Variants in CNTNAP2 observed in about 807,000 individuals in gnomAD.
CNTNAP2 encodes the protein contactin-associated protein-like 2.
In CNTNAP2, 98 loss-of-function variants were observed where a neutral mutation model predicts 155.2. The ratio of observed to expected loss-of-function variants is 0.63; its 90% confidence interval spans 0.54 to 0.75. The LOEUF is 0.75. Ranked by LOEUF, CNTNAP2 falls within the 30% of genes least tolerant of loss-of-function variation. The pLI, the probability that CNTNAP2 is intolerant of heterozygous loss-of-function variation, is 0.00. For missense variants in CNTNAP2, 1,727 were observed against 1,688.1 expected (o/e 1.02, Z -0.40); for synonymous variants, 651 against 631.2 (o/e 1.03, Z -0.47).
chr7:148,078,048 A>G (rs1364900060), intron 15 of CNTNAP2, among the ~76,000 whole-genome samples: 2 of 151,990 alleles, frequency 1.3e-5, no homozygotes, highest in Non-Finnish European at 2.9e-5. Flanking sequence ...AGATTAATGT[A>G]CCCAAAAACA....
At chr7:148,136,523 T>C (rs896592922) in intron 16 of CNTNAP2, among the ~76,000 whole-genome samples, 3 of 152,208 alleles carry the variant, frequency 2.0e-5, no homozygotes, top group African/African-American at 7.2e-5. Flanking sequence ...TCATATAGCC[T>C]GCAGAGCCAA....
chr7:147,609,470 G>A (rs1158372868), intron 12 of CNTNAP2, among the ~76,000 whole-genome samples: 3 of 152,104 alleles, frequency 2.0e-5, no homozygotes, highest in Non-Finnish European at 4.4e-5. Flanking sequence ...GGCGGAACTT[G>A]CAGTGAGCCA....
At chr7:146,823,923 A>G (rs934952959) in intron 2 of CNTNAP2, among the ~76,000 whole-genome samples, 1 of 152,004 alleles carries the variant, frequency 6.6e-6, no homozygotes, top group Non-Finnish European at 1.5e-5. Flanking sequence ...CAGAACATGC[A>G]GGTTTATTAC....
intron 1 of CNTNAP2, among the ~76,000 whole-genome samples, chr7:146,618,847 A>G (rs1290506343): frequency 1.3e-5 from 2 of 152,140 alleles, no homozygotes; most frequent in African/African-American, 4.8e-5. Flanking sequence ...AGACAGGCGG[A>G]TAACCTGAGG....
intron 15 of CNTNAP2, among the ~76,000 whole-genome samples, chr7:148,076,018 T>A (rs1174558303): frequency 6.6e-6 from 1 of 152,196 alleles, no homozygotes; most frequent in Non-Finnish European, 1.5e-5. Flanking sequence ...AGTAAACACC[T>A]GTAAAGGAAG....
chr7:147,759,520 G>A (rs1797266874), intron 13 of CNTNAP2, among the ~76,000 whole-genome samples: 2 of 152,134 alleles, frequency 1.3e-5, no homozygotes, highest in South Asian at 2.1e-4. Context: ...CCAGACCTCA[G>A]ATAACACAAG....
intron 13 of CNTNAP2, among the ~76,000 whole-genome samples, chr7:147,840,934 T>C (rs1798717739): frequency 1.3e-5 from 2 of 152,248 alleles, no homozygotes; most frequent in East Asian, 1.9e-4. Context: ...GAAAAATTAC[T>C]TGTAAAGTTG....
chr7:147,668,716 GA>G (rs1370564950), intron 13 of CNTNAP2, among the ~76,000 whole-genome samples: 1 of 152,084 alleles, frequency 6.6e-6, no homozygotes, highest in Non-Finnish European at 1.5e-5. Context: ...AGCTAAGTGT[GA>G]TAAAAGAGTA....
intron 1 of CNTNAP2, among the ~76,000 whole-genome samples, chr7:146,344,406 T>G (rs1563047926): frequency 6.6e-6 from 1 of 152,208 alleles, no homozygotes. Context: ...CTTAAAATGA[T>G]ATTTCAAACT....
chr7:147,516,099 G>A (rs2116698205), intron 11 of CNTNAP2, among the ~76,000 whole-genome samples: 2 of 152,262 alleles, frequency 1.3e-5, no homozygotes, highest in Middle Eastern at 3.4e-3. Flanking sequence ...AAATCTAGAT[G>A]AATTAACAAA....
rs1385491939 is a variant in CNTNAP2, at chr7:146,645,340, G to T, written c.98-128931G>T. Among the ~76,000 whole-genome samples the T allele has an allele frequency of 1.3e-5, 2 of 152,120 alleles. 1 individual carries two copies. The highest frequency in any genetic ancestry group is 1.3e-4 in the Admixed American group (2 of 15,250). ...AGATAGAAGCAAGATCATTGCATGG[G>T]GGCTGGAGGGAACTTAAATAACTAG... On this transcript the variant is annotated intron_variant, in intron 1 of 23. Transcript: ENST00000361727.
intron 3 of CNTNAP2, among the ~76,000 whole-genome samples, chr7:146,897,437 T>G (rs913244353): frequency 5.9e-5 from 9 of 152,088 alleles, no homozygotes; most frequent in Admixed American, 2.0e-4. Context: ...TTAAAATATT[T>G]TAAGACTCTA....
At chr7:147,398,871 T>C (rs879853037) in intron 10 of CNTNAP2, among the ~76,000 whole-genome samples, 25 of 151,028 alleles carry the variant, frequency 1.7e-4, no homozygotes, top group African/African-American at 6.1e-4. Context: ...AATTAAAAAG[T>C]AAATAATCTA....
chr7:146,530,297 T>TACC (rs1471712613), intron 1 of CNTNAP2, among the ~76,000 whole-genome samples: 3 of 152,006 alleles, frequency 2.0e-5, no homozygotes, highest in Non-Finnish European at 4.4e-5. Context: ...ACCTAGGAGA[T>TACC]ACCATTCTGG....
At position 146,685,291 on chromosome 7, in the gene CNTNAP2, A is replaced by G. The variant is rs145826631; in HGVS notation, c.98-88980A>G. Reference sequence around the variant, plus strand: ...TTTTTTGTAAAAGAACCAACAATACATGCAACTTGAAACATTCCTATAGAT... The same window carrying G: ...TTTTTTGTAAAAGAACCAACAATACGTGCAACTTGAAACATTCCTATAGAT... On this transcript the variant is annotated intron_variant, in intron 1 of 23. Coordinates refer to ENST00000361727, the MANE Select transcript of CNTNAP2 (RefSeq NM_014141.6). Among the ~76,000 whole-genome samples the G allele has an allele frequency of 1.4e-3, 220 of 152,302 alleles. 2 individuals carry two copies. Among genetic ancestry groups the G allele is most frequent in the African/African-American group, 3.1e-3 (130 of 41,572 alleles).
chr7:147,841,137 CAG>C (rs1408343887), intron 13 of CNTNAP2, among the ~76,000 whole-genome samples: 3 of 152,108 alleles, frequency 2.0e-5, no homozygotes, highest in African/African-American at 4.8e-5. Flanking sequence ...ACAAGTGAGA[CAG>C]AGAGACAAAA....
chr7:147,102,196 G>A (rs540092674), intron 4 of CNTNAP2, among the ~76,000 whole-genome samples: 1 of 147,780 alleles, frequency 6.8e-6, no homozygotes, highest in South Asian at 2.1e-4. Flanking sequence ...CACCTCAAAT[G>A]AACTCATTGG....
intron 13 of CNTNAP2, among the ~76,000 whole-genome samples, chr7:147,859,152 T>G (rs768938005): frequency 1.3e-5 from 2 of 151,994 alleles, no homozygotes; most frequent in Non-Finnish European, 2.9e-5. Context: ...TACCAAGAAG[T>G]AGGGAAGTTT....
intron 3 of CNTNAP2, among the ~76,000 whole-genome samples, chr7:146,920,344 G>A (rs143741147): frequency 0.014 from 2,192 of 152,026 alleles, 56 homozygotes; most frequent in African/African-American, 0.05. Flanking sequence ...AAACTGGGAT[G>A]CGGAGGTTGC....
Sources: gnomAD v4.1 joint callset for allele counts (sites outside exome capture counted in the v4.1 genomes callset) on GRCh38, gnomAD v4.1.1 for gene constraint, MANE v1.5 for transcripts, NCBI Gene and HGNC (gene_info 2026-07-23, HGNC 2026-07-21) for gene names.